THSD7B: variants seen among roughly 807,000 people sequenced by gnomAD.
The protein encoded by THSD7B is thrombospondin type-1 domain-containing protein 7B.
THSD7B carries 138 observed loss-of-function variants against 213.6 expected under a neutral mutation model. The observed-to-expected ratio is 0.65, with a 90% CI of 0.56 to 0.74. THSD7B has a LOEUF of 0.74. THSD7B is among the 30% of genes least tolerant of loss of function. The probability of loss-of-function intolerance (pLI) is 0.00; values close to 1 mark genes in which losing one functional copy is unlikely to be tolerated. For synonymous variants in THSD7B, 742 were observed against 687.0 expected (o/e 1.08, Z -1.25); for missense variants, 1,931 against 1,991.5 (o/e 0.97, Z 0.58).
chr2:137,617,272 T>G (rs1254288376), intron 18 of THSD7B, among the ~76,000 whole-genome samples: 1 of 152,232 alleles, frequency 6.6e-6, no homozygotes, highest in African/African-American at 2.4e-5. Context: ...ATACATGGGT[T>G]TGCTATTCTA....
In THSD7B at chr2:137,667,777, G is replaced by T; in HGVS notation, c.4655G>T (p.Gly1552Val). The stretch of plus-strand genomic sequence containing the variant: ...ATGTTATCTCTATTTTAAACAGATG[G>T]CCGAGTAAAAATTTGGGTTTATGGC... ...GWSLQPLDPD[G>V]RVKIWVYGVS... The change falls in exon 27 of 28, where the codon GGC becomes GTC. Residue 1552 changes from glycine to valine, a missense_variant. Gly to Val is a moderately radical substitution (Grantham distance 109, BLOSUM62 -3). Transcript: ENST00000409968. 6.2e-7 allele frequency: 1 copy of T among 1,602,106 alleles called. No homozygotes were observed. The highest frequency in any genetic ancestry group is 8.5e-7 in the Non-Finnish European group (1 of 1,173,444).
intron 1 of THSD7B, among the ~76,000 whole-genome samples, chr2:136,774,527 G>A (rs543277787): frequency 6.6e-6 from 1 of 152,172 alleles, no homozygotes; most frequent in East Asian, 1.9e-4. Context: ...AAAGTCCTGT[G>A]TTTCCTTTGT....
chr2:137,465,571 A>G (rs1395848562), intron 15 of THSD7B, among the ~76,000 whole-genome samples: 1 of 152,150 alleles, frequency 6.6e-6, no homozygotes, highest in Non-Finnish European at 1.5e-5. Context: ...TGGGACTCAG[A>G]GCGGTGATGT....
At chr2:136,917,146 G>T (rs1190777259) in intron 2 of THSD7B, among the ~76,000 whole-genome samples, 1 of 152,100 alleles carries the variant, frequency 6.6e-6, no homozygotes, top group East Asian at 1.9e-4. Flanking sequence ...AAATTATGAA[G>T]TTTTCCAATC....
chr2:137,141,117 G>A (rs1375833654), intron 5 of THSD7B, among the ~76,000 whole-genome samples: 1 of 152,136 alleles, frequency 6.6e-6, no homozygotes, highest in African/African-American at 2.4e-5. Flanking sequence ...GCTGGGGAGA[G>A]AGGCAGGAGG....
chr2:137,181,033 C>A (rs915913590), intron 7 of THSD7B, among the ~76,000 whole-genome samples: 1 of 152,180 alleles, frequency 6.6e-6, no homozygotes, highest in Non-Finnish European at 1.5e-5. Context: ...AAAGCCCACA[C>A]ACATTTCCCT....
intron 5 of THSD7B, among the ~76,000 whole-genome samples, chr2:137,140,920 T>C (rs557101282): frequency 2.0e-5 from 3 of 152,210 alleles, no homozygotes; most frequent in Non-Finnish European, 2.9e-5. Flanking sequence ...CTGCTTCAAA[T>C]AGGGAAGTCA....
chr2:137,476,311 T>C (rs903660538), intron 15 of THSD7B, among the ~76,000 whole-genome samples: 2 of 152,170 alleles, frequency 1.3e-5, no homozygotes, highest in African/African-American at 2.4e-5. Flanking sequence ...AGAAGCTTTT[T>C]AGTATAATAA....
chr2:137,135,637 T>C (rs903245320), intron 5 of THSD7B, among the ~76,000 whole-genome samples: 3 of 152,154 alleles, frequency 2.0e-5, no homozygotes, highest in Non-Finnish European at 2.9e-5. Flanking sequence ...TGTCACAAAA[T>C]CTTAGAATAC....
chr2:137,211,350 A>ACACACACACACACACACACACAGAGG lies in THSD7B; in HGVS notation c.1724-19679_1724-19678insACACACAGAGGCACACACACACACAC, dbSNP rs377696115. Among the ~76,000 whole-genome samples, 271 of 138,930 alleles carry ACACACACACACACACACACACAGAGG rather than the reference A, an allele frequency of 2.0e-3. 9 individuals are homozygous for ACACACACACACACACACACACAGAGG. Among genetic ancestry groups the ACACACACACACACACACACACAGAGG allele is most frequent in the Middle Eastern group, 7.1e-3 (2 of 280 alleles). 91.1% of individuals were successfully genotyped at this position (138,930 alleles called of 152,430 possible). A position where few individuals can be genotyped will look rare whatever the true frequency, so the allele number is the denominator to read the frequency against. Reference sequence around the variant, plus strand: ...CCTTCCTACACACACACACACACACACACACACACACACACGGAATATATT... The same window carrying ACACACACACACACACACACACAGAGG: ...CCTTCCTACACACACACACACACACACACACACACACACACACACACAGAGGCACACACACACACACGGAATATATT... On this transcript the variant is annotated intron_variant, in intron 7 of 27. Coordinates refer to ENST00000409968, the MANE Select transcript of THSD7B (RefSeq NM_001316349.2).
intron 12 of THSD7B, among the ~76,000 whole-genome samples, chr2:137,367,501 T>G (rs905288400): frequency 6.6e-6 from 1 of 152,146 alleles, no homozygotes; most frequent in Non-Finnish European, 1.5e-5. Context: ...ACAAAGCAAG[T>G]CTGCAGGCTA....
chr2:136,910,971 C>A lies in THSD7B; in HGVS notation c.139+28654C>A, dbSNP rs75728425. Among the ~76,000 whole-genome samples, 133 of 151,950 alleles carry A rather than the reference C, an allele frequency of 8.8e-4. 3 individuals are homozygous for A. In the East Asian group the frequency reaches 0.023, roughly 26 times the overall value. On this transcript the variant is annotated intron_variant, in intron 2 of 27. Coordinates refer to ENST00000409968, the MANE Select transcript of THSD7B (RefSeq NM_001316349.2). The stretch of plus-strand genomic sequence containing the variant: ...GGGGTAATATTTACAATTCACTAAG[C>A]CTTTATGTATAAAATCAGACTTTAA...
At chr2:137,138,388 C>A (rs775446354) in intron 5 of THSD7B, among the ~76,000 whole-genome samples, 18 of 152,126 alleles carry the variant, frequency 1.2e-4, no homozygotes, top group Non-Finnish European at 2.5e-4. Flanking sequence ...ATATTCCTAA[C>A]AGCTTTTGGT....
chr2:136,880,505 A>G (rs955236078), intron 1 of THSD7B, among the ~76,000 whole-genome samples: 1 of 152,136 alleles, frequency 6.6e-6, no homozygotes, highest in African/African-American at 2.4e-5. Context: ...AAAACTGTAC[A>G]TGGATATCTG....
intron 10 of THSD7B, among the ~76,000 whole-genome samples, chr2:137,264,649 G>T (rs1682537477): frequency 6.6e-6 from 1 of 151,978 alleles, no homozygotes; most frequent in African/African-American, 2.4e-5. Flanking sequence ...AGTCTCTTCA[G>T]TATTATGGCA....
chr2:137,653,547 A>G (rs1482053586), intron 21 of THSD7B, among the ~76,000 whole-genome samples: 1 of 149,802 alleles, frequency 6.7e-6, no homozygotes, highest in Non-Finnish European at 1.5e-5. Context: ...CTCTCTTTTG[A>G]GCACCAATAA....
At chr2:137,298,961 G>A (rs1206102700) in intron 12 of THSD7B, among the ~76,000 whole-genome samples, 1 of 152,150 alleles carries the variant, frequency 6.6e-6, no homozygotes, top group Non-Finnish European at 1.5e-5. Context: ...GCACTGCCTA[G>A]TGGAGCTGTG....
chr2:136,768,703 T>G (rs527788525), intron 1 of THSD7B, among the ~76,000 whole-genome samples: 1 of 152,320 alleles, frequency 6.6e-6, no homozygotes, highest in South Asian at 2.1e-4. Flanking sequence ...GAATAACTAT[T>G]GGGTATTGTA....
intron 2 of THSD7B, among the ~76,000 whole-genome samples, chr2:137,047,249 G>C (rs576152871): frequency 6.6e-6 from 1 of 152,300 alleles, no homozygotes; most frequent in South Asian, 2.1e-4. Context: ...TAATGTTTAG[G>C]AGACAGAGCT....
Sources: gnomAD v4.1 joint callset for allele counts (sites outside exome capture counted in the v4.1 genomes callset) on GRCh38, gnomAD v4.1.1 for gene constraint, MANE v1.5 for transcripts, NCBI Gene and HGNC (gene_info 2026-07-23, HGNC 2026-07-21) for gene names.